Variants in TDRD7 observed in about 807,000 individuals in gnomAD.
TDRD7 encodes tudor domain-containing protein 7.
Under a neutral mutation model 109.8 loss-of-function variants are expected in TDRD7, and 47 were observed. That is an observed-to-expected ratio of 0.43 (90% confidence interval 0.34 to 0.55). TDRD7 has a LOEUF of 0.55. Among genes scored for constraint, TDRD7 ranks in the 20% least tolerant of loss-of-function variants. TDRD7 has a pLI of 0.03. For missense variants in TDRD7, 1,164 were observed against 1,319.2 expected, an observed-to-expected ratio of 0.88 and a Z score of 1.82; for synonymous variants, 424 against 457.3, an observed-to-expected ratio of 0.93 and a Z score of 0.93.
At position 97,460,536 on chromosome 9, in the gene TDRD7, A is replaced by C; in HGVS notation, c.1214A>C (p.Lys405Thr). ...CCCCAGAAGGCCATTCTCTATGCTA[A>C]ACTTCCATTGCCCACTGACAAAATC... Reference protein sequence around the residue: ...GNPQKAILYAKLPLPTDKIQK... With the variant: ...GNPQKAILYATLPLPTDKIQK... The change falls in exon 7 of 17, where the codon AAA becomes ACA. Residue 405 changes from lysine to threonine, a missense_variant. Coordinates refer to ENST00000355295, the MANE Select transcript of TDRD7 (RefSeq NM_014290.3). 1.2e-6 allele frequency: 2 copies of C among 1,614,234 alleles called. No homozygotes were observed. The highest frequency in any genetic ancestry group is 1.3e-5 in the African/African-American group (1 of 75,068).
At chr9:97,479,061 A>C (rs1829070710) in intron 13 of TDRD7, among the ~76,000 whole-genome samples, 1 of 152,184 alleles carries the variant, frequency 6.6e-6, no homozygotes. Flanking sequence ...AAGGATTTTG[A>C]ATATTTTGAA....
At chr9:97,479,951 C>T (rs1408302487) in intron 13 of TDRD7, among the ~76,000 whole-genome samples, 3 of 152,136 alleles carry the variant, frequency 2.0e-5, no homozygotes, top group African/African-American at 7.2e-5. Flanking sequence ...CGTTGCCTGC[C>T]CAGCCCCTGC....
rs74699932 is a variant in TDRD7, at chr9:97,490,471, G to T, written c.3076+3139G>T. 8.2e-3 allele frequency among the ~76,000 whole-genome samples: 1,206 copies of T among 147,076 alleles called. 41 individuals are homozygous for T. In the East Asian group the frequency reaches 0.11, roughly 13 times the overall value. On this transcript the variant is annotated intron_variant, in intron 16 of 16. Transcript: ENST00000355295. ...TCTTCTATGGATAAGGTGGTTTTTTGCTTCTGGTCTCTTTCAAGACTTTTG... is the reference window on the plus strand; with the variant it reads ...TCTTCTATGGATAAGGTGGTTTTTTTCTTCTGGTCTCTTTCAAGACTTTTG...
At chr9:97,495,165 ATAGTAACTG>A (rs1307126028) in intron 16 of TDRD7, among the ~76,000 whole-genome samples, 1 of 152,220 alleles carries the variant, frequency 6.6e-6, no homozygotes, top group Non-Finnish European at 1.5e-5. Flanking sequence ...AAAGCTGGGA[ATAGTAACTG>A]AGTCTGTTGA....
chr9:97,434,622 T>G (rs1014807952), intron 4 of TDRD7, among the ~76,000 whole-genome samples: 7 of 152,164 alleles, frequency 4.6e-5, no homozygotes, highest in African/African-American at 1.7e-4. Flanking sequence ...TTTTTTCTTG[T>G]CAACTAAAAG....
At position 97,496,091 on chromosome 9, in the gene TDRD7, A is replaced by G. The variant is rs576954290; in HGVS notation, c.*208A>G. 21 of 518,780 alleles carry G rather than the reference A, an allele frequency of 4.0e-5. No homozygotes were observed. The South Asian group carries it at 4.2e-4, about 10-fold the overall frequency. 32.1% of individuals were successfully genotyped at this position (518,780 alleles called of 1,614,324 possible). A position where few individuals can be genotyped will look rare whatever the true frequency, so the allele number is the denominator to read the frequency against. ...AGAAAATTGTACTTGAATTATTACTATAATATTAGAATAAAAATGTTTATC... is the reference window on the plus strand; with the variant it reads ...AGAAAATTGTACTTGAATTATTACTGTAATATTAGAATAAAAATGTTTATC... On this transcript the variant is annotated 3_prime_UTR_variant, in exon 17 of 17. Transcript: ENST00000355295.
At chr9:97,457,375 A>AAAT (rs1828636116) in intron 6 of TDRD7, among the ~76,000 whole-genome samples, 5 of 149,290 alleles carry the variant, frequency 3.3e-5, no homozygotes, top group Non-Finnish European at 7.5e-5. Flanking sequence ...CACACACACA[A>AAAT]ATATATATAT....
chr9:97,474,701 T>G (rs1323709427), intron 11 of TDRD7, among the ~76,000 whole-genome samples: 1 of 152,210 alleles, frequency 6.6e-6, no homozygotes, highest in Non-Finnish European at 1.5e-5. Context: ...CTCATTTGTA[T>G]GGATGTTGTC....
chr9:97,494,500 A>G (rs1829361543), intron 16 of TDRD7, among the ~76,000 whole-genome samples: 1 of 152,166 alleles, frequency 6.6e-6, no homozygotes, highest in African/African-American at 2.4e-5. Flanking sequence ...GCTGCAGATA[A>G]AATGAAATTT....
At position 97,482,980 on chromosome 9, in the gene TDRD7, G is replaced by A. The variant is rs1166121604; in HGVS notation, c.2544G>A (p.Val848=). Residue 848 remains valine (V), a synonymous_variant, in exon 15 of 17, where the codon GTG becomes GTA. Transcript: ENST00000355295. ...ACTTGTGGAAGCATCAGAAGGATGT[G>A]TTTTTGAGTGCCATATCCAGTGGAG... ...NADLWKHQKD[V]FLSAISSGAD... is the part of the protein sequence containing the mutation. 7 of 1,614,064 alleles carry A rather than the reference G, an allele frequency of 4.3e-6. No homozygotes were observed. Among genetic ancestry groups the A allele is most frequent in the Non-Finnish European group, 5.9e-6 (7 of 1,180,044 alleles).
chr9:97,471,821 A>AGGAT (rs1828918992), intron 9 of TDRD7, among the ~76,000 whole-genome samples: 1 of 152,212 alleles, frequency 6.6e-6, no homozygotes, highest in Non-Finnish European at 1.5e-5. Context: ...GTTCTTTGGT[A>AGGAT]TCCTAAGGGT....
intron 6 of TDRD7, among the ~76,000 whole-genome samples, chr9:97,457,252 A>G (rs1053746710): frequency 6.6e-6 from 1 of 152,130 alleles, no homozygotes; most frequent in Non-Finnish European, 1.5e-5. Context: ...TGTGGAAGAC[A>G]GTATGGCGAC....
intron 1 of TDRD7, among the ~76,000 whole-genome samples, chr9:97,422,824 A>G (rs2118241522): frequency 6.6e-6 from 1 of 152,226 alleles, no homozygotes; most frequent in Non-Finnish European, 1.5e-5. Flanking sequence ...TTGATGTAGT[A>G]AGTTATATTG....
chr9:97,493,267 A>T lies in TDRD7; in HGVS notation c.3077-2396A>T, dbSNP rs1038972634. On this transcript the variant is annotated intron_variant, in intron 16 of 16. Coordinates refer to ENST00000355295, the MANE Select transcript of TDRD7 (RefSeq NM_014290.3). ...TGTAGGTTCTTTTCTATTTTCCCTA[A>T]GTGTCGGCCGGTCTGAGAAATAAAG... Among the ~76,000 whole-genome samples the T allele has an allele frequency of 3.9e-5, 6 of 152,178 alleles. No individual in the cohort carries two copies. In the East Asian group the frequency reaches 1.2e-3, roughly 29 times the overall value.
chr9:97,454,686 A>G (rs1034172060), intron 6 of TDRD7, among the ~76,000 whole-genome samples: 3 of 152,234 alleles, frequency 2.0e-5, no homozygotes, highest in Non-Finnish European at 4.4e-5. Context: ...CAGCTAATGC[A>G]GTGTTAAGAG....
intron 4 of TDRD7, among the ~76,000 whole-genome samples, chr9:97,433,497 C>T (rs1828140622): frequency 6.6e-6 from 1 of 151,440 alleles, no homozygotes; most frequent in Non-Finnish European, 1.5e-5. Flanking sequence ...GGACGGGCAA[C>T]AAAAGCAAAA....
At chr9:97,454,584 C>T (rs1828568668) in intron 6 of TDRD7, among the ~76,000 whole-genome samples, 1 of 152,212 alleles carries the variant, frequency 6.6e-6, no homozygotes, top group Non-Finnish European at 1.5e-5. Context: ...TCCTGAATGA[C>T]TCCTGGGTAA....
chr9:97,459,489 A>G (rs1275006935), intron 6 of TDRD7, among the ~76,000 whole-genome samples: 1 of 152,218 alleles, frequency 6.6e-6, no homozygotes, highest in South Asian at 2.1e-4. Flanking sequence ...ATTATGCCAT[A>G]CATCAGTTTC....
At chr9:97,419,808 G>A (rs1177648388) in intron 1 of TDRD7, among the ~76,000 whole-genome samples, 1 of 152,076 alleles carries the variant, frequency 6.6e-6, no homozygotes, top group Non-Finnish European at 1.5e-5. Flanking sequence ...TTTGCTGGGT[G>A]TTTTTCCCAG....
Sources: allele counts gnomAD v4.1 joint callset (sites outside exome capture counted in the v4.1 genomes callset), GRCh38; gene constraint gnomAD v4.1.1; transcripts MANE v1.5; gene names NCBI Gene and HGNC (gene_info 2026-07-23, HGNC 2026-07-21).